ITGB3BP: variants seen among roughly 807,000 people sequenced by gnomAD.
The protein encoded by ITGB3BP is integrin subunit beta 3 binding protein.
In ITGB3BP, 27 loss-of-function variants were observed where a neutral mutation model predicts 29.1. The ratio of observed to expected loss-of-function variants is 0.93; its 90% CI spans 0.68 to 1.28. The LOEUF is 1.28. Among genes scored for constraint, ITGB3BP ranks in the 50% most tolerant of loss-of-function variants. The probability of loss-of-function intolerance (pLI) is 0.00; values close to 1 mark genes in which losing one functional copy is unlikely to be tolerated. For synonymous variants in ITGB3BP, 61 were observed against 61.4 expected, an observed-to-expected ratio of 0.99 and a Z score of 0.03; for missense variants, 192 against 200.2, an observed-to-expected ratio of 0.96 and a Z score of 0.25.
chr1:63,483,546 C>A (rs1317344814), intron 3 of ITGB3BP, among the ~76,000 whole-genome samples: 1 of 151,966 alleles, frequency 6.6e-6, no homozygotes, highest in Non-Finnish European at 1.5e-5. Flanking sequence ...TATTATTGCC[C>A]TGTTTTCAAT....
At chr1:63,492,770 TAAAAA>T (rs370529932) in intron 2 of ITGB3BP, among the ~76,000 whole-genome samples, 1 of 149,264 alleles carries the variant, frequency 6.7e-6, no homozygotes, top group Non-Finnish European at 1.5e-5. Context: ...TGTAACAAAA[TAAAAA>T]AAAACAAAAC....
At chr1:63,485,699 T>G (rs74484449) in intron 3 of ITGB3BP, among the ~76,000 whole-genome samples, 1 of 152,088 alleles carries the variant, frequency 6.6e-6, no homozygotes, top group African/African-American at 2.4e-5. Context: ...GTCTGAAAAA[T>G]TGTATTTCAT....
chr1:63,523,651 T>C (rs570181733), upstream of ITGB3BP: 2 of 179,406 alleles, frequency 1.1e-5, no homozygotes, highest in East Asian at 2.9e-4. Context: ...AACAGCTCGC[T>C]GTCTCTGTCT....
At chr1:63,486,305 A>T (rs1453429988) in intron 3 of ITGB3BP, among the ~76,000 whole-genome samples, 1 of 152,012 alleles carries the variant, frequency 6.6e-6, no homozygotes, top group Non-Finnish European at 1.5e-5. Flanking sequence ...CTTTTCTAAA[A>T]TGCATACAAC....
chr1:63,467,561 G>A (rs888162665), intron 4 of ITGB3BP, among the ~76,000 whole-genome samples: 1 of 151,958 alleles, frequency 6.6e-6, no homozygotes, highest in African/African-American at 2.4e-5. Context: ...TGTAGAGATG[G>A]AGTCTCGCTA....
chr1:63,462,445 T>C (rs1211358492), intron 4 of ITGB3BP, among the ~76,000 whole-genome samples: 2 of 152,246 alleles, frequency 1.3e-5, no homozygotes, highest in Non-Finnish European at 2.9e-5. Context: ...CCTTCCAATT[T>C]AAATGACTTT....
chr1:63,488,651 T>A (rs1005539203), intron 3 of ITGB3BP, among the ~76,000 whole-genome samples: 3 of 152,058 alleles, frequency 2.0e-5, no homozygotes, highest in African/African-American at 7.2e-5. Flanking sequence ...ACAAATGACA[T>A]AATCTCATAC....
At chr1:63,520,217 T>C (rs202236635) in intron 1 of ITGB3BP, among the ~76,000 whole-genome samples, 3 of 95,172 alleles carry the variant, frequency 3.2e-5, no homozygotes, top group African/African-American at 1.7e-4. Context: ...AACTTTATCA[T>C]TCAATTAATA....
At chr1:63,522,635 T>C (rs1323441112) in intron 1 of ITGB3BP, among the ~76,000 whole-genome samples, 1 of 152,070 alleles carries the variant, frequency 6.6e-6, no homozygotes, top group Non-Finnish European at 1.5e-5. Flanking sequence ...ACAAACTTAT[T>C]TGTGTAAGTA....
At chr1:63,446,554 C>G in intron 8 of ITGB3BP, 1 of 452,048 alleles carries the variant, frequency 2.2e-6, no homozygotes. Flanking sequence ...AAAAATGTGT[C>G]CTCTCTGACT....
intron 4 of ITGB3BP, among the ~76,000 whole-genome samples, chr1:63,471,262 G>GTTTTTTTTTTT (rs55797590): frequency 8.0e-6 from 1 of 125,384 alleles, no homozygotes; most frequent in African/African-American, 3.1e-5. Context: ...TCCTCTAAAA[G>GTTTTTTTTTTT]TTTTTTTTTT....
At chr1:63,512,063 T>G (rs1433870725) in intron 1 of ITGB3BP, among the ~76,000 whole-genome samples, 1 of 152,100 alleles carries the variant, frequency 6.6e-6, no homozygotes, top group African/African-American at 2.4e-5. Context: ...AACTTCCAAC[T>G]TACCCAAATT....
At chr1:63,522,793 A>T (rs1160541598) in intron 1 of ITGB3BP, among the ~76,000 whole-genome samples, 1 of 152,142 alleles carries the variant, frequency 6.6e-6, no homozygotes, top group Non-Finnish European at 1.5e-5. Flanking sequence ...AGGGACTGAC[A>T]AACTACGAAG....
intron 2 of ITGB3BP, chr1:63,529,012 T>G (rs988152268): frequency 2.6e-5 from 4 of 152,160 alleles, no homozygotes; most frequent in Admixed American, 6.5e-5. Flanking sequence ...TCCCAGCTTT[T>G]AAAGGGTAGG....
At chr1:63,471,203 C>G (rs1201035281) in intron 4 of ITGB3BP, among the ~76,000 whole-genome samples, 1 of 18,376 alleles carries the variant, frequency 5.4e-5, no homozygotes, top group Non-Finnish European at 5.1e-3. Flanking sequence ...TTTAATTTAT[C>G]CATTTTTTCC....
intron 2 of ITGB3BP, among the ~76,000 whole-genome samples, chr1:63,499,585 C>A (rs1402233609): frequency 2.6e-5 from 4 of 152,070 alleles, no homozygotes; most frequent in Non-Finnish European, 5.9e-5. Context: ...CTTATAAATA[C>A]AGATGTAAAA....
At chr1:63,462,095 T>A (rs573369907) in intron 4 of ITGB3BP, among the ~76,000 whole-genome samples, 9 of 152,364 alleles carry the variant, frequency 5.9e-5, no homozygotes, top group Non-Finnish European at 1.0e-4. Context: ...CAATATTAAA[T>A]CTTCTTGCCC....
chr1:63,478,732 C>CA (rs1645384900), intron 4 of ITGB3BP, 32 bp downstream of exon 4: 1 of 1,005,770 alleles, frequency 9.9e-7, no homozygotes, highest in Non-Finnish European at 1.5e-6. Context: ...CTGCAAGATA[C>CA]ACATATATAA....
intron 4 of ITGB3BP, among the ~76,000 whole-genome samples, chr1:63,477,537 G>A (rs1399796434): frequency 1.3e-5 from 2 of 152,102 alleles, no homozygotes; most frequent in Non-Finnish European, 2.9e-5. Flanking sequence ...TGGGTAACAT[G>A]GCGAAACTCC....
Sources: gnomAD v4.1 joint callset for allele counts (sites outside exome capture counted in the v4.1 genomes callset) on GRCh38, gnomAD v4.1.1 for gene constraint, MANE v1.5 for transcripts, NCBI Gene and HGNC (gene_info 2026-07-23, HGNC 2026-07-21) for gene names.